SLC24A3: variants seen among roughly 807,000 people sequenced by gnomAD.
SLC24A3 encodes solute carrier family 24 member 3, also known as sodium/potassium/calcium exchanger 3.
In SLC24A3, 28 loss-of-function variants were observed where a neutral mutation model predicts 75.8. That is an observed-to-expected ratio of 0.37 (90% CI 0.27 to 0.51). SLC24A3 has a LOEUF of 0.51. Ranked by LOEUF, SLC24A3 falls within the 20% of genes least tolerant of loss-of-function variation. The probability of loss-of-function intolerance (pLI) is 0.94; values close to 1 mark genes in which losing one functional copy is unlikely to be tolerated. For synonymous variants in SLC24A3, 372 were observed against 334.1 expected, an observed-to-expected ratio of 1.11 and a Z score of -1.24; for missense variants, 663 against 847.8, an observed-to-expected ratio of 0.78 and a Z score of 2.71.
At chr20:19,643,594 T>G (rs576117463) in intron 6 of SLC24A3, among the ~76,000 whole-genome samples, 1 of 152,350 alleles carries the variant, frequency 6.6e-6, no homozygotes, top group East Asian at 1.9e-4. Context: ...AAATATCAGC[T>G]TCTGCATTCT....
chr20:19,609,398 A>G (rs2031641938), intron 6 of SLC24A3, among the ~76,000 whole-genome samples: 1 of 151,600 alleles, frequency 6.6e-6, no homozygotes, highest in Non-Finnish European at 1.5e-5. Flanking sequence ...TTATGTATGT[A>G]TTTATTTATT....
At chr20:19,680,741 T>C (rs548374605) in intron 9 of SLC24A3, among the ~76,000 whole-genome samples, 3 of 152,328 alleles carry the variant, frequency 2.0e-5, no homozygotes, top group African/African-American at 7.2e-5. Context: ...TCTGAGGTCT[T>C]GTTGCCATAG....
chr20:19,555,020 G>C (rs1010719800), intron 3 of SLC24A3, among the ~76,000 whole-genome samples: 1 of 152,206 alleles, frequency 6.6e-6, no homozygotes, highest in Non-Finnish European at 1.5e-5. Flanking sequence ...TAAGCAGATA[G>C]GTTTCCTATT....
intron 15 of SLC24A3, among the ~76,000 whole-genome samples, chr20:19,706,813 A>T (rs1226861823): frequency 6.6e-6 from 1 of 152,210 alleles, no homozygotes; most frequent in African/African-American, 2.4e-5. Flanking sequence ...AAGTTCAGCT[A>T]CGGGGCATTT....
intron 2 of SLC24A3, among the ~76,000 whole-genome samples, chr20:19,339,930 C>T (rs959367135): frequency 3.9e-5 from 6 of 152,278 alleles, no homozygotes; most frequent in South Asian, 2.1e-4. Context: ...GTTTATGAAA[C>T]GAGATGTTTG....
chr20:19,397,921 C>A (rs2122399283), intron 2 of SLC24A3, among the ~76,000 whole-genome samples: 1 of 152,148 alleles, frequency 6.6e-6, no homozygotes, highest in South Asian at 2.1e-4. Context: ...TATTCGTCTG[C>A]CACTTGAGCA....
chr20:19,400,223 T>G (rs754383976), intron 2 of SLC24A3, among the ~76,000 whole-genome samples: 2 of 152,208 alleles, frequency 1.3e-5, no homozygotes, highest in Non-Finnish European at 2.9e-5. Flanking sequence ...GATTTTACCT[T>G]ATTAGGTGCT....
chr20:19,562,507 C>T (rs1360208209), intron 3 of SLC24A3, among the ~76,000 whole-genome samples: 1 of 152,156 alleles, frequency 6.6e-6, no homozygotes, highest in Non-Finnish European at 1.5e-5. Flanking sequence ...AGCTAATTGT[C>T]TAACAAGAGA....
chr20:19,490,646 G>T (rs1471148464), intron 2 of SLC24A3, among the ~76,000 whole-genome samples: 2 of 152,208 alleles, frequency 1.3e-5, no homozygotes, highest in African/African-American at 4.8e-5. Context: ...TTTTGCCAAA[G>T]ACACTCTAGT....
intron 2 of SLC24A3, among the ~76,000 whole-genome samples, chr20:19,514,345 C>T (rs80070000): frequency 1.3e-3 from 192 of 152,342 alleles, no homozygotes; most frequent in Non-Finnish European, 2.5e-3. Context: ...ACATCCTTGT[C>T]GGAGGGTCTG....
intron 2 of SLC24A3, among the ~76,000 whole-genome samples, chr20:19,373,222 A>G (rs983845410): frequency 9.2e-5 from 14 of 152,042 alleles, no homozygotes; most frequent in African/African-American, 3.1e-4. Flanking sequence ...CTGAGAGATG[A>G]TCCGATTTCT....
intron 2 of SLC24A3, among the ~76,000 whole-genome samples, chr20:19,490,271 G>GA (rs1428773388): frequency 3.3e-5 from 5 of 152,012 alleles, no homozygotes; most frequent in African/African-American, 9.7e-5. Context: ...CTAGGGAATT[G>GA]AAAAAATGGC....
At chr20:19,309,375 G>A (rs910016033) in intron 2 of SLC24A3, among the ~76,000 whole-genome samples, 3 of 152,154 alleles carry the variant, frequency 2.0e-5, no homozygotes, top group Non-Finnish European at 4.4e-5. Context: ...TGTATATTAA[G>A]GGCCAAACCA....
At position 19,632,774 on chromosome 20, in the gene SLC24A3, A is replaced by C. The variant is rs75213990; in HGVS notation, c.613-21288A>C. On this transcript the variant is annotated intron_variant, in intron 6 of 16. Transcript: ENST00000328041. ...CTGCAGAATAGGTGTCCCTGACAAC[A>C]GCTCTGGCATGCTGAAAGGCTCTAG... Among the ~76,000 whole-genome samples the C allele has an allele frequency of 6.2e-3, 938 of 152,304 alleles. 30 individuals are homozygous for C. In the East Asian group the frequency reaches 0.076, roughly 12 times the overall value.
intron 1 of SLC24A3, among the ~76,000 whole-genome samples, chr20:19,277,912 C>A (rs1375995308): frequency 6.6e-6 from 1 of 152,220 alleles, no homozygotes; most frequent in East Asian, 1.9e-4. Context: ...ATTAAGATTA[C>A]AGTACCACAA....
chr20:19,338,151 G>A (rs1018211711), intron 2 of SLC24A3, among the ~76,000 whole-genome samples: 72 of 152,274 alleles, frequency 4.7e-4, no homozygotes, highest in African/African-American at 1.6e-3. Context: ...TCCTTTAATA[G>A]AAAGAAGCTA....
chr20:19,437,501 A>G lies in SLC24A3; in HGVS notation c.272-77987A>G, dbSNP rs369775754. Among the ~76,000 whole-genome samples the G allele has an allele frequency of 1.3e-4, 20 of 152,324 alleles. No homozygotes were observed. In the South Asian group the frequency reaches 3.9e-3, roughly 30 times the overall value. On this transcript the variant is annotated intron_variant, in intron 2 of 16. Coordinates refer to ENST00000328041, the MANE Select transcript of SLC24A3 (RefSeq NM_020689.4). Reference sequence around the variant, plus strand: ...CAGTCCTGCGTATTTCCTTATAGCAATGTGAAAATGGACTAATACAGTCAG... The same window carrying G: ...CAGTCCTGCGTATTTCCTTATAGCAGTGTGAAAATGGACTAATACAGTCAG...
At chr20:19,510,472 T>C (rs1988520056) in intron 2 of SLC24A3, among the ~76,000 whole-genome samples, 1 of 152,196 alleles carries the variant, frequency 6.6e-6, no homozygotes, top group African/African-American at 2.4e-5. Flanking sequence ...CCTCTTCAGT[T>C]CTTATGCAAA....
At chr20:19,693,170 C>T (rs964171159) in intron 12 of SLC24A3, 89 bp from the exon 13 acceptor site, 6 of 1,379,622 alleles carry the variant, frequency 4.3e-6, no homozygotes, top group Non-Finnish European at 4.9e-6. Flanking sequence ...GAAAGCAGTA[C>T]AGACACTTGG....
Sources: allele counts gnomAD v4.1 joint callset (sites outside exome capture counted in the v4.1 genomes callset), GRCh38; gene constraint gnomAD v4.1.1; transcripts MANE v1.5; gene names NCBI Gene and HGNC (gene_info 2026-07-23, HGNC 2026-07-21).